DLG2: variants seen among roughly 807,000 people sequenced by gnomAD.
DLG2 encodes the protein discs large MAGUK scaffold protein 2, also known as disks large homolog 2.
In DLG2, 45 loss-of-function variants were observed where a neutral mutation model predicts 132.5. The ratio of observed to expected loss-of-function variants is 0.34; its 90% CI spans 0.27 to 0.44. The LOEUF (loss-of-function observed/expected upper bound fraction) is 0.44, where lower values mean the gene tolerates loss of function less well. DLG2 is among the 20% of genes least tolerant of loss of function. The probability of loss-of-function intolerance (pLI) is 1.00; values close to 1 mark genes in which losing one functional copy is unlikely to be tolerated. For synonymous variants in DLG2, 424 were observed against 419.6 expected (o/e 1.01, Z -0.13); for missense variants, 1,045 against 1,196.9 (o/e 0.87, Z 1.87).
At chr11:85,289,557 G>A (rs560074082) in intron 3 of DLG2, among the ~76,000 whole-genome samples, 1 of 152,166 alleles carries the variant, frequency 6.6e-6, no homozygotes, top group East Asian at 1.9e-4. Flanking sequence ...AATATGTTTG[G>A]AAAGTTGTAG....
chr11:83,956,957 G>T (rs1354423015), intron 14 of DLG2, among the ~76,000 whole-genome samples: 2 of 152,182 alleles, frequency 1.3e-5, no homozygotes, highest in African/African-American at 4.8e-5. Flanking sequence ...ATTTGCCAGG[G>T]ATTACTAATA....
At chr11:84,329,799 G>A (rs963400089) in intron 7 of DLG2, among the ~76,000 whole-genome samples, 15 of 152,126 alleles carry the variant, frequency 9.9e-5, no homozygotes, top group African/African-American at 3.4e-4. Flanking sequence ...CTTCTCTTCT[G>A]AAACACTGTT....
chr11:83,633,895 G>A (rs1474232507), intron 18 of DLG2, among the ~76,000 whole-genome samples: 3 of 151,450 alleles, frequency 2.0e-5, no homozygotes, highest in African/African-American at 7.3e-5. Flanking sequence ...GAGTAAAATA[G>A]TTATTTCTTA....
intron 3 of DLG2, among the ~76,000 whole-genome samples, chr11:85,546,072 A>C (rs569194371): frequency 6.6e-6 from 1 of 151,994 alleles, no homozygotes; most frequent in African/African-American, 2.4e-5. Flanking sequence ...AGTTCTTTTA[A>C]ATGTGATGGT....
intron 4 of DLG2, among the ~76,000 whole-genome samples, chr11:85,223,997 T>C (rs1027684880): frequency 6.6e-5 from 10 of 152,202 alleles, no homozygotes; most frequent in African/African-American, 1.9e-4. Flanking sequence ...AAGGTGACCT[T>C]GGTAAATTAT....
chr11:84,999,777 T>C (rs2058035285), intron 6 of DLG2, among the ~76,000 whole-genome samples: 1 of 152,090 alleles, frequency 6.6e-6, no homozygotes. Flanking sequence ...GTTCACACAA[T>C]TGGATACTCT....
At chr11:83,746,290 C>T (rs780364153) in intron 18 of DLG2, among the ~76,000 whole-genome samples, 16 of 152,178 alleles carry the variant, frequency 1.1e-4, no homozygotes, top group East Asian at 1.9e-4. Context: ...ATGTTTATTG[C>T]GGCACTATTC....
chr11:84,021,086 G>T (rs1047932170), intron 11 of DLG2, among the ~76,000 whole-genome samples: 5 of 152,102 alleles, frequency 3.3e-5, no homozygotes, highest in African/African-American at 1.2e-4. Context: ...TTTAACTCTA[G>T]AACACATATA....
At position 85,160,854 on chromosome 11, in the gene DLG2, T is replaced by G. The variant is rs535509933; in HGVS notation, c.187-6203A>C. 1.9e-3 allele frequency among the ~76,000 whole-genome samples: 287 copies of G among 152,256 alleles called. 1 individual carries two copies. The highest frequency in any genetic ancestry group is 6.7e-3 in the African/African-American group (279 of 41,554). On this transcript the variant is annotated intron_variant, in intron 4 of 27. Transcript: ENST00000376104. ...ATGCAGGCACCATACCCCTGCATAC[T>G]ACAGCTGCAGCACTACAACCCCTTT...
chr11:85,458,693 T>G (rs895886333), intron 3 of DLG2, among the ~76,000 whole-genome samples: 5 of 152,198 alleles, frequency 3.3e-5, no homozygotes. Flanking sequence ...AGTAAAGTAT[T>G]TTTGGTATTG....
chr11:84,511,247 T>C (rs1565150434), intron 7 of DLG2, among the ~76,000 whole-genome samples: 1 of 152,120 alleles, frequency 6.6e-6, no homozygotes, highest in Admixed American at 6.6e-5. Context: ...AATATTTTAT[T>C]CTTAAGGTAC....
At chr11:84,394,120 A>C (rs1601345428) in intron 7 of DLG2, among the ~76,000 whole-genome samples, 1 of 151,846 alleles carries the variant, frequency 6.6e-6, no homozygotes, top group Middle Eastern at 3.4e-3. Flanking sequence ...CAAGCGATCC[A>C]CCCGCCTCAG....
chr11:83,856,075 G>A (rs1033706534), intron 16 of DLG2, among the ~76,000 whole-genome samples: 1 of 152,140 alleles, frequency 6.6e-6, no homozygotes, highest in African/African-American at 2.4e-5. Context: ...CTTATAATGA[G>A]AACATGTGGT....
intron 7 of DLG2, among the ~76,000 whole-genome samples, chr11:84,373,568 TAAAAAGAAAAA>T (rs904125540): frequency 6.7e-6 from 1 of 149,660 alleles, no homozygotes; most frequent in African/African-American, 2.4e-5. Flanking sequence ...AGACTCTGTC[TAAAAAGAAAAA>T]AAAAAGAAAA....
chr11:84,425,230 T>G (rs1411267425), intron 7 of DLG2, among the ~76,000 whole-genome samples: 1 of 152,146 alleles, frequency 6.6e-6, no homozygotes, highest in Non-Finnish European at 1.5e-5. Context: ...AATTTTATTT[T>G]CCTGGGGTCA....
Position 83,890,288 on chromosome 11 carries a change from C to T in DLG2, c.1497-15800G>A, listed in dbSNP as rs573754134. ...GAAAGAAATTTTTCAGAATAACACA[C>T]TCTGATTTTTATTCTTCGACAACAT... On this transcript the variant is annotated intron_variant, in intron 15 of 27. Transcript: ENST00000376104. Among the ~76,000 whole-genome samples the T allele has an allele frequency of 3.3e-5, 5 of 152,096 alleles. 1 individual carries two copies. The South Asian group carries it at 1.0e-3, about 32-fold the overall frequency.
chr11:85,271,820 A>G (rs941646433), intron 4 of DLG2, among the ~76,000 whole-genome samples: 3 of 152,226 alleles, frequency 2.0e-5, no homozygotes, highest in African/African-American at 7.2e-5. Context: ...TGTATCTAGG[A>G]AGCAACTCAC....
At chr11:85,077,169 A>C (rs576286796) in intron 6 of DLG2, among the ~76,000 whole-genome samples, 1 of 152,156 alleles carries the variant, frequency 6.6e-6, no homozygotes, top group African/African-American at 2.4e-5. Flanking sequence ...ACATATGAAA[A>C]ATCATGTCTG....
intron 7 of DLG2, among the ~76,000 whole-genome samples, chr11:84,440,901 A>G (rs2099015268): frequency 1.3e-5 from 2 of 152,316 alleles, no homozygotes; most frequent in African/African-American, 2.4e-5. Flanking sequence ...TAATCTATTT[A>G]TATCAGAGAT....
Sources: gnomAD v4.1 joint callset for allele counts (sites outside exome capture counted in the v4.1 genomes callset) on GRCh38, gnomAD v4.1.1 for gene constraint, MANE v1.5 for transcripts, NCBI Gene and HGNC (gene_info 2026-07-23, HGNC 2026-07-21) for gene names.